The following PPFIBP2 variants were observed in gnomAD, a reference collection of about 807,000 sequenced individuals.
PPFIBP2 encodes liprin-beta-2.
A neutral mutation model predicts 118.3 loss-of-function variants in PPFIBP2; 118 were observed. The observed-to-expected ratio is 1.00, with a 90% CI of 0.86 to 1.16. The LOEUF is 1.16. Ranked by LOEUF, PPFIBP2 falls within the 50% of genes most tolerant of loss-of-function variation. The probability of loss-of-function intolerance (pLI) is 0.00; values close to 1 mark genes in which losing one functional copy is unlikely to be tolerated. For synonymous variants in PPFIBP2, 414 were observed against 397.4 expected, an observed-to-expected ratio of 1.04 and a Z score of -0.50; for missense variants, 1,195 against 1,073.1, an observed-to-expected ratio of 1.11 and a Z score of -1.59.
At chr11:7,575,280 T>G (rs1856149637) in intron 3 of PPFIBP2, among the ~76,000 whole-genome samples, 1 of 152,194 alleles carries the variant, frequency 6.6e-6, no homozygotes, top group South Asian at 2.1e-4. Flanking sequence ...TCTGACAGTC[T>G]GGTGCAATAG....
intron 1 of PPFIBP2, among the ~76,000 whole-genome samples, chr11:7,531,489 A>T (rs906304741): frequency 6.6e-6 from 1 of 152,208 alleles, no homozygotes; most frequent in Non-Finnish European, 1.5e-5. Context: ...AAGAATACAG[A>T]TAAAGGAATA....
downstream of PPFIBP2, among the ~76,000 whole-genome samples, chr11:7,657,949 G>T (rs1266043014): frequency 6.6e-6 from 1 of 152,206 alleles, no homozygotes; most frequent in African/African-American, 2.4e-5. Flanking sequence ...GTGCTCCTAA[G>T]TTCCTCATCC....
At chr11:7,612,831 G>A (rs1385582292) in intron 6 of PPFIBP2, among the ~76,000 whole-genome samples, 2 of 152,200 alleles carry the variant, frequency 1.3e-5, no homozygotes, top group Non-Finnish European at 2.9e-5. Context: ...ATCTTTGCTG[G>A]TATGCACAGA....
In PPFIBP2 at chr11:7,648,811, T is replaced by C; in HGVS notation, c.1809T>C (p.Ile603=). 1 of 1,613,890 alleles carries C rather than the reference T, an allele frequency of 6.2e-7. No individual in the cohort carries two copies. Among genetic ancestry groups the C allele is most frequent in the Non-Finnish European group, 8.5e-7 (1 of 1,179,948 alleles). ...TCTTTTAATTTCAGGAGCTAGGAAT[T>C]AAGCACCCACTCCACAGGAAGAAGC... The part of the protein sequence containing the change: ...TPQDMEKELG[I]KHPLHRKKLV... Residue 603 remains isoleucine, a synonymous_variant, in exon 19 of 24, where the codon ATT becomes ATC. Transcript: ENST00000299492.
chr11:7,657,034 G>GTACTTTTA, downstream of PPFIBP2: 1 of 337,330 alleles, frequency 3.0e-6, no homozygotes, highest in Non-Finnish European at 5.9e-6. Flanking sequence ...CATACCTTTT[G>GTACTTTTA]TACTTTTATA....
At position 7,552,042 on chromosome 11, in the gene PPFIBP2, G is replaced by A. The variant is rs117570206; in HGVS notation, c.64+2503G>A. ...ATCTTGGAAGGTTCTATCTAGAAGGGCTCCTGGGCTTTTCTGTCTGGAACA... is the reference window on the plus strand; with the variant it reads ...ATCTTGGAAGGTTCTATCTAGAAGGACTCCTGGGCTTTTCTGTCTGGAACA... On this transcript the variant is annotated intron_variant, in intron 2 of 23. Transcript: ENST00000299492. Among the ~76,000 whole-genome samples the A allele has an allele frequency of 6.5e-3, 996 of 152,312 alleles. 3 individuals are homozygous for A. The highest frequency in any genetic ancestry group is 0.01 in the South Asian group (49 of 4,828).
intron 11 of PPFIBP2, among the ~76,000 whole-genome samples, chr11:7,631,942 G>A (rs931709534): frequency 2.0e-5 from 3 of 152,202 alleles, no homozygotes; most frequent in African/African-American, 7.2e-5. Context: ...TGCCAGCGTT[G>A]TTGTTATAGT....
At chr11:7,621,760 G>A (rs1301325151) in intron 7 of PPFIBP2, among the ~76,000 whole-genome samples, 1 of 152,198 alleles carries the variant, frequency 6.6e-6, no homozygotes, top group Non-Finnish European at 1.5e-5. Context: ...ATGGGGAGGT[G>A]GGAGGCTCAC....
intron 1 of PPFIBP2, among the ~76,000 whole-genome samples, chr11:7,540,245 G>A (rs911390241): frequency 2.2e-5 from 3 of 135,582 alleles, no homozygotes; most frequent in Non-Finnish European, 3.4e-5. Context: ...GGAGGATGAG[G>A]GGTGTGGGGG....
At chr11:7,665,907 T>C in the PPFIBP2 span, 1 of 1,536,072 alleles carries the variant, frequency 6.5e-7, no homozygotes, top group African/African-American at 1.4e-5. Flanking sequence ...GCAGAATTGC[T>C]CAGTAGGGTA....
At chr11:7,603,601 A>C (rs966518700) in intron 5 of PPFIBP2, among the ~76,000 whole-genome samples, 1 of 152,184 alleles carries the variant, frequency 6.6e-6, no homozygotes, top group East Asian at 1.9e-4. Flanking sequence ...TTAAAGATGG[A>C]GGTAATTGCT....
At chr11:7,662,161 T>G in the PPFIBP2 span, among the ~76,000 whole-genome samples, 5 of 150,804 alleles carry the variant, frequency 3.3e-5, no homozygotes, top group African/African-American at 4.9e-5. Context: ...AAAGTTAATA[T>G]TGTTATGTGT....
chr11:7,623,212 G>A (rs868352041), intron 7 of PPFIBP2, among the ~76,000 whole-genome samples: 1 of 143,146 alleles, frequency 7.0e-6, no homozygotes, highest in Non-Finnish European at 1.5e-5. Context: ...TCTGCTTCAG[G>A]CCTCTCAGTC....
chr11:7,575,171 G>A (rs913993242), intron 3 of PPFIBP2, among the ~76,000 whole-genome samples: 1 of 152,108 alleles, frequency 6.6e-6, no homozygotes, highest in Non-Finnish European at 1.5e-5. Flanking sequence ...CTTATCATTT[G>A]AGCCTTATTC....
the PPFIBP2 span, among the ~76,000 whole-genome samples, chr11:7,663,611 T>G: frequency 4.6e-5 from 7 of 152,350 alleles, no homozygotes; most frequent in South Asian, 2.1e-4. Flanking sequence ...GTTTGTCTGT[T>G]CCCTGCCCCC....
In PPFIBP2 at chr11:7,593,236, T is replaced by C. The variant is rs1476155263; in HGVS notation, c.372+12T>C. Reference sequence around the variant, plus strand: ...CCCTCATATTGCAGGTGGGTACTTTTTGGTGAGAATCGGCTTATCCTGTTA... The same window carrying C: ...CCCTCATATTGCAGGTGGGTACTTTCTGGTGAGAATCGGCTTATCCTGTTA... On this transcript the variant is annotated intron_variant, in intron 4 of 23. Coordinates refer to ENST00000299492, the MANE Select transcript of PPFIBP2 (RefSeq NM_003621.5). 1 of 1,613,396 alleles carries C rather than the reference T, an allele frequency of 6.2e-7. No homozygotes were observed. The highest frequency in any genetic ancestry group is 1.7e-5 in the Admixed American group (1 of 59,916).
chr11:7,591,276 TTTC>T (rs1385295526), intron 3 of PPFIBP2, among the ~76,000 whole-genome samples: 157 of 151,910 alleles, frequency 1.0e-3, no homozygotes, highest in African/African-American at 2.8e-3. Context: ...CTCTCCTTCA[TTTC>T]CTGCCAGAGA....
At chr11:7,624,636 G>A (rs1026325595) in intron 7 of PPFIBP2, among the ~76,000 whole-genome samples, 1 of 152,224 alleles carries the variant, frequency 6.6e-6, no homozygotes, top group African/African-American at 2.4e-5. Context: ...CCGGCTCCAC[G>A]GTCGATGCTC....
At chr11:7,586,719 G>C (rs551537713) in intron 3 of PPFIBP2, among the ~76,000 whole-genome samples, 89 of 152,262 alleles carry the variant, frequency 5.8e-4, no homozygotes, top group African/African-American at 1.8e-3. Flanking sequence ...CCTTGGGGAG[G>C]AGGATGCAAT....
Sources: allele counts gnomAD v4.1 joint callset (sites outside exome capture counted in the v4.1 genomes callset), GRCh38; gene constraint gnomAD v4.1.1; transcripts MANE v1.5; gene names NCBI Gene and HGNC (gene_info 2026-07-23, HGNC 2026-07-21).